TYW1B: variants seen among roughly 807,000 people sequenced by gnomAD.
TYW1B encodes the protein tRNA-yW synthesizing protein 1 homolog B, also known as S-adenosyl-L-methionine-dependent tRNA 4-demethylwyosine synthase TYW1B.
Under a neutral mutation model 86.9 loss-of-function variants are expected in TYW1B, and 73 were observed. That is an observed-to-expected ratio of 0.84 (90% CI 0.70 to 1.02). The LOEUF is 1.02. TYW1B is among the 50% of genes least tolerant of loss of function. The pLI is 0.00. For missense variants in TYW1B, 637 were observed against 827.4 expected (o/e 0.77, Z 2.82); for synonymous variants, 248 against 292.8 (o/e 0.85, Z 1.56).
At chr7:72,741,697 C>T (rs1214158772) in intron 8 of TYW1B, among the ~76,000 whole-genome samples, 1 of 152,118 alleles carries the variant, frequency 6.6e-6, no homozygotes, top group Non-Finnish European at 1.5e-5. Context: ...TATAATCAAA[C>T]TGCTGGAAGA....
chr7:72,734,434 A>C (rs1787165634), intron 8 of TYW1B, among the ~76,000 whole-genome samples: 3 of 152,298 alleles, frequency 2.0e-5, no homozygotes, highest in Admixed American at 1.3e-4. Context: ...GTGGGGAAAG[A>C]CAATATACAA....
At chr7:72,586,085 T>C (rs782251291) in intron 13 of TYW1B, among the ~76,000 whole-genome samples, 2 of 152,200 alleles carry the variant, frequency 1.3e-5, no homozygotes, top group Non-Finnish European at 2.9e-5. Flanking sequence ...AAAGCTGTTA[T>C]ATTCATGTAT....
At chr7:72,696,866 G>A (rs1814332431) in intron 10 of TYW1B, among the ~76,000 whole-genome samples, 1 of 152,086 alleles carries the variant, frequency 6.6e-6, no homozygotes, top group African/African-American at 2.4e-5. Context: ...TGTACTAAGG[G>A]GATCCTTTGA....
At chr7:72,597,120 G>C (rs186454695) in intron 13 of TYW1B, among the ~76,000 whole-genome samples, 2 of 134,576 alleles carry the variant, frequency 1.5e-5, no homozygotes, top group Non-Finnish European at 3.3e-5. Flanking sequence ...ATAAATATAA[G>C]GCAGACCACT....
intron 9 of TYW1B, among the ~76,000 whole-genome samples, chr7:72,725,147 T>G (rs1786974597): frequency 6.6e-6 from 1 of 152,182 alleles, no homozygotes; most frequent in South Asian, 2.1e-4. Context: ...CACATTTTAT[T>G]AACATCAACA....
At position 72,828,153 on chromosome 7, in the gene TYW1B, C is replaced by G; in HGVS notation, c.-78G>C. ...TTCGCACTGGTACTGCGAGACGCAC[C>G]GAGCTACCTCGCGGCGTTAGCGCCG... On this transcript the variant is annotated 5_prime_UTR_variant, in exon 1 of 14. Transcript: ENST00000620995. 3.1e-6 allele frequency: 5 copies of G among 1,600,086 alleles called. No homozygotes were observed. Among genetic ancestry groups the G allele is most frequent in the Non-Finnish European group, 4.3e-6 (5 of 1,173,492 alleles).
intron 7 of TYW1B, among the ~76,000 whole-genome samples, chr7:72,745,542 T>A (rs1787378849): frequency 6.6e-6 from 1 of 151,984 alleles, no homozygotes; most frequent in African/African-American, 2.4e-5. Context: ...CTTTAAAAGG[T>A]AAAATCAGAT....
Position 72,713,662 on chromosome 7 carries a change from G to A in TYW1B, c.1329C>T (p.Ser443=). 1 of 1,614,126 alleles carries A rather than the reference G, an allele frequency of 6.2e-7. No homozygotes were observed. Residue 443 remains serine (S), a synonymous_variant, in exon 10 of 14, where the codon TCC becomes TCT. Coordinates refer to ENST00000620995, the MANE Select transcript of TYW1B (RefSeq NM_001145440.3). ...ATTGTGCATTTGTGACCAGGAAGCTGGAGATTTTACACTGGTGGAGTAGCT... is the reference window on the plus strand; with the variant it reads ...ATTGTGCATTTGTGACCAGGAAGCTAGAGATTTTACACTGGTGGAGTAGCT... ...FLKLLHQCKI[S]SFLVTNAQFP... is the part of the protein sequence containing the mutation.
intron 8 of TYW1B, among the ~76,000 whole-genome samples, chr7:72,740,866 G>A (rs1787291929): frequency 6.6e-6 from 1 of 151,778 alleles, no homozygotes; most frequent in Admixed American, 6.6e-5. Context: ...AAGTAGCTGG[G>A]ACTACAGGTG....
intron 4 of TYW1B, among the ~76,000 whole-genome samples, chr7:72,808,956 A>G (rs1477451797): frequency 4.6e-5 from 7 of 152,004 alleles, no homozygotes; most frequent in Non-Finnish European, 7.4e-5. Flanking sequence ...GAGAGGCTCC[A>G]TCGTTTCATT....
chr7:72,648,199 A>G (rs1812976756), intron 11 of TYW1B, among the ~76,000 whole-genome samples: 1 of 152,116 alleles, frequency 6.6e-6, no homozygotes, highest in African/African-American at 2.4e-5. Context: ...TGGGTTTAAC[A>G]GTCTCTTGAT....
At chr7:72,640,192 G>T (rs1812769907) in intron 11 of TYW1B, among the ~76,000 whole-genome samples, 2 of 151,674 alleles carry the variant, frequency 1.3e-5, no homozygotes, top group Admixed American at 6.6e-5. Context: ...GCTGAAAAGG[G>T]GAGGAAAATA....
At chr7:72,599,143 G>A (rs1478897738) in intron 13 of TYW1B, among the ~76,000 whole-genome samples, 2 of 152,142 alleles carry the variant, frequency 1.3e-5, no homozygotes, top group African/African-American at 4.8e-5. Context: ...TCAATAAAAT[G>A]TTAGCAAATC....
chr7:72,590,927 A>G (rs1270391650), intron 13 of TYW1B, among the ~76,000 whole-genome samples: 5 of 152,244 alleles, frequency 3.3e-5, no homozygotes, highest in Admixed American at 2.6e-4. Flanking sequence ...TCTAAAAACT[A>G]CAGGAATATG....
In TYW1B at chr7:72,575,054, A is replaced by G; in HGVS notation, c.*444T>C. ...GGATCAAGCTCTTATCTTAGAAAGC[A>G]CAGACACGTTTAGCTCAGGGTAGTG... On this transcript the variant is annotated 3_prime_UTR_variant, in exon 14 of 14. Coordinates refer to ENST00000620995, the MANE Select transcript of TYW1B (RefSeq NM_001145440.3). 1.0e-6 allele frequency: 1 copy of G among 997,954 alleles called. No individual in the cohort carries two copies. The highest frequency in any genetic ancestry group is 1.2e-6 in the Non-Finnish European group (1 of 837,024). 61.8% of individuals were successfully genotyped at this position (997,954 alleles called of 1,614,324 possible).
intron 11 of TYW1B, among the ~76,000 whole-genome samples, chr7:72,674,973 C>T (rs1202974533): frequency 6.6e-6 from 1 of 152,022 alleles, no homozygotes; most frequent in Non-Finnish European, 1.5e-5. Context: ...TAAGGGATGA[C>T]TTGCAAATAA....
chr7:72,742,868 G>A (rs1563078879), intron 8 of TYW1B, among the ~76,000 whole-genome samples: 1 of 152,092 alleles, frequency 6.6e-6, no homozygotes, highest in Non-Finnish European at 1.5e-5. Context: ...TGACTAGAAA[G>A]TATTAAATCA....
chr7:72,723,591 A>AC (rs1192291084), intron 9 of TYW1B, among the ~76,000 whole-genome samples: 11 of 151,966 alleles, frequency 7.2e-5, no homozygotes, highest in Admixed American at 1.3e-4. Flanking sequence ...ACGTAGTGAG[A>AC]CCCCCCATAT....
chr7:72,764,918 G>A (rs1787746309), intron 7 of TYW1B, among the ~76,000 whole-genome samples: 1 of 152,070 alleles, frequency 6.6e-6, no homozygotes, highest in Non-Finnish European at 1.5e-5. Context: ...GTATACTTTT[G>A]TGAACAAAGA....
Sources: allele counts gnomAD v4.1 joint callset (sites outside exome capture counted in the v4.1 genomes callset), GRCh38; gene constraint gnomAD v4.1.1; transcripts MANE v1.5; gene names NCBI Gene and HGNC (gene_info 2026-07-23, HGNC 2026-07-21).